PACRG: variants seen among roughly 807,000 people sequenced by gnomAD.
PACRG encodes parkin coregulated gene protein.
PACRG carries 29 observed loss-of-function variants against 29.7 expected under a neutral mutation model. The observed-to-expected ratio is 0.98, with a 90% CI of 0.73 to 1.33. PACRG has a LOEUF of 1.33. Ranked by LOEUF, PACRG falls within the 40% of genes most tolerant of loss-of-function variation. PACRG has a pLI of 0.00. For synonymous variants in PACRG, 116 were observed against 118.7 expected (o/e 0.98, Z 0.15); for missense variants, 279 against 316.2 (o/e 0.88, Z 0.89).
intron 1 of PACRG, among the ~76,000 whole-genome samples, chr6:162,813,928 T>G (rs140653565): frequency 4.9e-4 from 74 of 152,306 alleles, no homozygotes; most frequent in African/African-American, 1.6e-3. Context: ...CTTTCTAAAG[T>G]AGCTTGAAAT....
intron 2 of PACRG, among the ~76,000 whole-genome samples, chr6:162,870,269 A>G (rs1406375694): frequency 1.3e-5 from 2 of 152,222 alleles, no homozygotes; most frequent in African/African-American, 4.8e-5. Flanking sequence ...GAAGAGAATC[A>G]TTCTACTAGT....
intron 2 of PACRG, among the ~76,000 whole-genome samples, chr6:163,043,495 T>A (rs1410270749): frequency 2.0e-5 from 3 of 151,694 alleles, no homozygotes; most frequent in Non-Finnish European, 4.4e-5. Context: ...GAGCTTGCAG[T>A]GAGCCGAGAT....
chr6:163,049,959 T>A (rs1043210870), intron 2 of PACRG, among the ~76,000 whole-genome samples: 13 of 152,096 alleles, frequency 8.5e-5, no homozygotes, highest in East Asian at 3.8e-4. Flanking sequence ...ACTTTTTTTT[T>A]AAAACTTCAC....
chr6:162,915,256 C>T (rs926220496), intron 2 of PACRG, among the ~76,000 whole-genome samples: 15 of 151,792 alleles, frequency 9.9e-5, no homozygotes, highest in African/African-American at 3.4e-4. Context: ...TATTTTTCTG[C>T]CAATATTAAA....
intron 2 of PACRG, among the ~76,000 whole-genome samples, chr6:162,974,077 T>C (rs566874816): frequency 1.3e-5 from 2 of 152,286 alleles, no homozygotes; most frequent in South Asian, 4.1e-4. Context: ...GTAATAATTA[T>C]AAAATAGAAG....
At chr6:163,004,739 C>CACAT (rs1804907034) in intron 2 of PACRG, among the ~76,000 whole-genome samples, 1 of 62,930 alleles carries the variant, frequency 1.6e-5, no homozygotes, top group South Asian at 5.3e-4. Flanking sequence ...TATATATATA[C>CACAT]ACACACACAC....
chr6:163,305,156 T>G (rs1785149368), intron 4 of PACRG, among the ~76,000 whole-genome samples: 1 of 152,226 alleles, frequency 6.6e-6, no homozygotes. Flanking sequence ...TCTGAGGGCC[T>G]CCACACCACA....
intron 2 of PACRG, among the ~76,000 whole-genome samples, chr6:162,893,205 T>A (rs1333920666): frequency 6.6e-6 from 1 of 152,204 alleles, no homozygotes; most frequent in East Asian, 1.9e-4. Flanking sequence ...GCACCTTAAC[T>A]GACTGCTGGC....
chr6:163,052,683 T>A (rs574389508), intron 2 of PACRG, among the ~76,000 whole-genome samples: 55 of 152,290 alleles, frequency 3.6e-4, no homozygotes, highest in African/African-American at 1.3e-3. Flanking sequence ...CCTCTTTCAT[T>A]TATAAATTAC....
intron 2 of PACRG, among the ~76,000 whole-genome samples, chr6:162,997,005 A>G (rs974054295): frequency 3.3e-5 from 5 of 152,200 alleles, no homozygotes; most frequent in African/African-American, 1.2e-4. Flanking sequence ...TTTATAAGAT[A>G]AACTAAAACA....
chr6:163,116,707 C>A (rs143771978), intron 4 of PACRG, among the ~76,000 whole-genome samples: 2,490 of 152,138 alleles, frequency 0.016, 35 homozygotes, highest in Middle Eastern at 0.044. Flanking sequence ...AGGGTTTGCA[C>A]CAGGATAATG....
chr6:162,727,705 G>C (rs534060238), upstream of PACRG: 42 of 1,561,064 alleles, frequency 2.7e-5, no homozygotes, highest in African/African-American at 5.3e-4. Flanking sequence ...GCCAGGAACA[G>C]GCCCATGCGC....
intron 1 of PACRG, among the ~76,000 whole-genome samples, chr6:162,776,629 A>G (rs926501541): frequency 3.3e-5 from 5 of 152,180 alleles, no homozygotes; most frequent in African/African-American, 9.7e-5. Context: ...CCAACCTGCT[A>G]GCAGGTGGCT....
chr6:163,001,782 C>T (rs1285831144), intron 2 of PACRG, among the ~76,000 whole-genome samples: 5 of 152,004 alleles, frequency 3.3e-5, no homozygotes, highest in South Asian at 2.1e-4. Context: ...ATAGAAGTTA[C>T]GCTGATAAGA....
chr6:162,836,372 C>T (rs553522071), intron 2 of PACRG, among the ~76,000 whole-genome samples: 37 of 152,218 alleles, frequency 2.4e-4, no homozygotes, highest in Middle Eastern at 3.4e-3. Context: ...TCCTCCTCTT[C>T]GCATTCTCCT....
At chr6:163,068,415 C>T (rs569244685) in intron 3 of PACRG, among the ~76,000 whole-genome samples, 4 of 151,678 alleles carry the variant, frequency 2.6e-5, no homozygotes, top group African/African-American at 9.7e-5. Flanking sequence ...TATTGGCCTC[C>T]AATCTCTGAA....
At chr6:163,280,036 A>G (rs1253987978) in intron 4 of PACRG, among the ~76,000 whole-genome samples, 1 of 152,172 alleles carries the variant, frequency 6.6e-6, no homozygotes, top group African/African-American at 2.4e-5. Flanking sequence ...CTCCAGAGGC[A>G]GAGATTGTTT....
At chr6:162,808,261 G>T (rs1786535231) in intron 1 of PACRG, among the ~76,000 whole-genome samples, 1 of 152,154 alleles carries the variant, frequency 6.6e-6, no homozygotes, top group South Asian at 2.1e-4. Context: ...AACAGGTCTT[G>T]CCCACCCGTT....
At chr6:163,169,684 C>G (rs910383083) in intron 4 of PACRG, among the ~76,000 whole-genome samples, 1 of 152,228 alleles carries the variant, frequency 6.6e-6, no homozygotes, top group African/African-American at 2.4e-5. Context: ...AAGGCCATGT[C>G]TAGAATGTGC....
Sources: allele counts gnomAD v4.1 joint callset (sites outside exome capture counted in the v4.1 genomes callset), GRCh38; gene constraint gnomAD v4.1.1; transcripts MANE v1.5; gene names NCBI Gene and HGNC (gene_info 2026-07-23, HGNC 2026-07-21).